PTCHD4: variants seen among roughly 807,000 people sequenced by gnomAD.
The protein encoded by PTCHD4 is patched domain-containing protein 4.
A neutral mutation model predicts 58.1 loss-of-function variants in PTCHD4; 33 were observed. That is an observed-to-expected ratio of 0.57 (90% CI 0.43 to 0.76). The LOEUF is 0.76. PTCHD4 is among the 30% of genes least tolerant of loss of function. The pLI is 0.00. For missense variants in PTCHD4, 1,058 were observed against 1,027.1 expected (o/e 1.03, Z -0.41); for synonymous variants, 478 against 409.6 (o/e 1.17, Z -2.02).
At chr6:47,918,402 G>T (rs1353323979) in intron 4 of PTCHD4, among the ~76,000 whole-genome samples, 1 of 152,100 alleles carries the variant, frequency 6.6e-6, no homozygotes, top group African/African-American at 2.4e-5. Context: ...AAATACAATG[G>T]TGTGGGATCC....
At position 47,914,517 on chromosome 6, in the gene PTCHD4, A is replaced by T. The variant is rs150998096; in HGVS notation, c.899-34581T>A. Among the ~76,000 whole-genome samples, 461 of 152,082 alleles carry T rather than the reference A, an allele frequency of 3.0e-3. 6 individuals carry two copies. The highest frequency in any genetic ancestry group is 0.011 in the African/African-American group (444 of 41,508). On this transcript the variant is annotated intron_variant, in intron 4 of 4. Coordinates refer to ENST00000339488, the MANE Select transcript of PTCHD4 (RefSeq NM_001384253.1). ...CTATACTTGGACTTGAACTTACACC[A>T]TTGTCTCTCCTAGGTATTCATCTTC...
chr6:47,968,403 C>T (rs189296169), intron 4 of PTCHD4, among the ~76,000 whole-genome samples: 46 of 152,146 alleles, frequency 3.0e-4, no homozygotes, highest in Middle Eastern at 3.4e-3. Context: ...TGAAATAGTG[C>T]GAGAATTAAC....
intron 3 of PTCHD4, among the ~76,000 whole-genome samples, chr6:48,048,842 A>C (rs1312787438): frequency 6.6e-6 from 1 of 151,974 alleles, no homozygotes; most frequent in Non-Finnish European, 1.5e-5. Context: ...TCCTCAGTGG[A>C]GAATATATTT....
At chr6:48,043,707 G>A (rs1481542400) in intron 3 of PTCHD4, among the ~76,000 whole-genome samples, 1 of 151,786 alleles carries the variant, frequency 6.6e-6, no homozygotes. Context: ...CCAAAAATAG[G>A]TGCCAAGCTC....
At position 48,106,385 on chromosome 6, in the gene PTCHD4, T is replaced by C. The variant is rs1582145535; in HGVS notation, c.-970+4664A>G. Among the ~76,000 whole-genome samples, 3 of 152,272 alleles carry C rather than the reference T, an allele frequency of 2.0e-5. No individual in the cohort carries two copies. In the East Asian group the frequency reaches 5.8e-4, roughly 29 times the overall value. On this transcript the variant is annotated intron_variant, in intron 1 of 4. Coordinates refer to ENST00000339488, the MANE Select transcript of PTCHD4 (RefSeq NM_001384253.1). ...ATCTCAATAGATGCAGAAAAGACCT[T>C]TGACAAAATTCAACAATGCTTCACG...
chr6:48,069,189 T>TG lies in PTCHD4; in HGVS notation c.-233_-232insC, dbSNP rs1764920443. 2.8e-5 allele frequency among the ~76,000 whole-genome samples: 1 copy of TG among 35,948 alleles called. No homozygotes were observed. The allele number at this position is 35,948 out of a possible 152,430, so 23.6% of individuals were successfully genotyped here. A position where few individuals can be genotyped will look rare whatever the true frequency, so the allele number is the denominator to read the frequency against. On this transcript the variant is annotated 5_prime_UTR_variant, in exon 2 of 5. An upstream open reading frame in the 5' UTR gains an earlier in-frame stop. Transcript: ENST00000339488. ...GAGGAGGGAGAAGGGCGGGAGCACG[T>TG]TGGGGGTGGGGGGGCAGATAAGCTT... is the stretch of plus-strand genomic sequence containing the variant.
At position 47,880,272 on chromosome 6, in the gene PTCHD4, C is replaced by T. The variant is rs548308632; in HGVS notation, c.899-336G>A. Among the ~76,000 whole-genome samples the T allele has an allele frequency of 1.5e-4, 23 of 152,262 alleles. 1 individual carries two copies. Among genetic ancestry groups the T allele is most frequent in the Admixed American group, 9.2e-4 (14 of 15,286 alleles). On this transcript the variant is annotated intron_variant, in intron 4 of 4. Transcript: ENST00000339488. ...CTTCCTAAATAGACAGTTTTGTCAA[C>T]GGCAGGGGCCGTTATTTGTGCGCCT...
intron 4 of PTCHD4, among the ~76,000 whole-genome samples, chr6:47,971,736 T>G (rs756667647): frequency 1.3e-5 from 2 of 152,160 alleles, no homozygotes; most frequent in Non-Finnish European, 2.9e-5. Flanking sequence ...ACTCAAGATT[T>G]AAGAAACAAG....
intron 1 of PTCHD4, among the ~76,000 whole-genome samples, chr6:48,079,605 C>G (rs1156811619): frequency 6.6e-6 from 1 of 150,840 alleles, no homozygotes; most frequent in Non-Finnish European, 1.5e-5. Flanking sequence ...GGGTTTGGCA[C>G]AGAGAGAGTG....
intron 4 of PTCHD4, among the ~76,000 whole-genome samples, chr6:47,894,730 C>A (rs1764482357): frequency 1.3e-5 from 2 of 152,238 alleles, no homozygotes; most frequent in South Asian, 4.1e-4. Context: ...TGATAACATG[C>A]CAGAACATTT....
intron 3 of PTCHD4, among the ~76,000 whole-genome samples, chr6:48,039,053 G>A (rs1052308701): frequency 2.0e-5 from 3 of 152,162 alleles, no homozygotes; most frequent in African/African-American, 7.2e-5. Flanking sequence ...TAGCTGGGGA[G>A]CCTGGACAAA....
chr6:48,061,313 A>G (rs975940115), intron 3 of PTCHD4, among the ~76,000 whole-genome samples: 2 of 152,230 alleles, frequency 1.3e-5, no homozygotes, highest in Non-Finnish European at 2.9e-5. Flanking sequence ...GCTCAACTGT[A>G]GATGATAGGG....
chr6:47,921,955 A>G (rs1332003192), intron 4 of PTCHD4, among the ~76,000 whole-genome samples: 1 of 149,290 alleles, frequency 6.7e-6, no homozygotes, highest in Non-Finnish European at 1.5e-5. Flanking sequence ...TAAAAAAAAA[A>G]AAAAAGAAAA....
Position 47,862,284 on chromosome 6 carries a change from A to G in PTCHD4, c.*16019T>C, listed in dbSNP as rs1407128643. 4.0e-5 allele frequency among the ~76,000 whole-genome samples: 6 copies of G among 151,156 alleles called. No individual in the cohort carries two copies. Among genetic ancestry groups the G allele is most frequent in the Non-Finnish European group, 1.5e-5 (1 of 67,732 alleles). ...GGTCTGGCGTATATCATAGTTTAGT[A>G]GCTGTGCTGTTGGGACCAAAGATCT... On this transcript the variant is annotated 3_prime_UTR_variant, in exon 5 of 5. Transcript: ENST00000339488.
chr6:47,979,713 A>C (rs1767811662), intron 4 of PTCHD4, among the ~76,000 whole-genome samples: 1 of 152,058 alleles, frequency 6.6e-6, no homozygotes, highest in Non-Finnish European at 1.5e-5. Flanking sequence ...CATACTTTTA[A>C]ATCTGTGTTT....
At position 48,068,770 on chromosome 6, in the gene PTCHD4, C is replaced by A. The variant is rs561788870; in HGVS notation, c.6-129G>T. ...CCACTCCGCGCTCACCCCACAACCA[C>A]TCCGCCTGGTCTTTCCCCGGCCCCA... On this transcript the variant is annotated intron_variant, in intron 2 of 4. Transcript: ENST00000339488. The surrounding 1 kb of genome is among the most constrained non-coding windows in gnomAD (Gnocchi z 4.2). The A allele has an allele frequency of 8.8e-4, 718 of 816,230 alleles. 3 individuals are homozygous for A. The African/African-American group carries it at 0.011, about 13-fold the overall frequency. 50.6% of individuals were successfully genotyped at this position (816,230 alleles called of 1,614,324 possible).
intron 4 of PTCHD4, among the ~76,000 whole-genome samples, chr6:47,895,910 G>A (rs2022335): frequency 0.64 from 96,903 of 151,904 alleles, 31,876 homozygotes; most frequent in East Asian, 0.78. Flanking sequence ...GATTCCATTT[G>A]GAGTATCATA....
At chr6:47,950,688 C>G (rs1766610229) in intron 4 of PTCHD4, among the ~76,000 whole-genome samples, 1 of 152,008 alleles carries the variant, frequency 6.6e-6, no homozygotes, top group Non-Finnish European at 1.5e-5. Flanking sequence ...TGAATGGAAG[C>G]AGTGGAGGTA....
intron 1 of PTCHD4, among the ~76,000 whole-genome samples, chr6:48,079,432 T>G (rs950008600): frequency 6.6e-6 from 1 of 152,110 alleles, no homozygotes; most frequent in Non-Finnish European, 1.5e-5. Context: ...TGTTGCCACT[T>G]AATGGGCTCT....
Sources: gnomAD v4.1 joint callset for allele counts (sites outside exome capture counted in the v4.1 genomes callset) on GRCh38, gnomAD v4.1.1 for gene constraint, Gnocchi (gnomAD v3.1) non-coding constraint, MANE v1.5 for transcripts, NCBI Gene and HGNC (gene_info 2026-07-23, HGNC 2026-07-21) for gene names.